The following CCDC171 variants were observed in gnomAD, a reference collection of about 807,000 sequenced individuals.
CCDC171 encodes coiled-coil domain containing 171.
A neutral mutation model predicts 168.2 loss-of-function variants in CCDC171; 177 were observed. The observed-to-expected ratio is 1.05, with a 90% CI of 0.93 to 1.19. The LOEUF (loss-of-function observed/expected upper bound fraction) is 1.19. Ranked by LOEUF, CCDC171 falls within the 50% of genes most tolerant of loss-of-function variation. The pLI is 0.00. For missense variants in CCDC171, 1,991 were observed against 1,539.0 expected, an observed-to-expected ratio of 1.29 and a Z score of -4.91; for synonymous variants, 687 against 540.8, an observed-to-expected ratio of 1.27 and a Z score of -3.75.
intron 23 of CCDC171, among the ~76,000 whole-genome samples, chr9:15,852,081 C>G (rs868690506): frequency 1.3e-5 from 2 of 151,904 alleles, no homozygotes; most frequent in South Asian, 4.1e-4. Flanking sequence ...TCTGTTTTCA[C>G]TTCTCTTGGG....
chr9:15,997,510 T>C (rs1198164690), intron 3 of CCDC171, among the ~76,000 whole-genome samples: 1 of 152,194 alleles, frequency 6.6e-6, no homozygotes, highest in Non-Finnish European at 1.5e-5. Context: ...CACTTCTCTA[T>C]ACAGTTTCAG....
chr9:15,772,207 A>G (rs189045650), intron 18 of CCDC171, among the ~76,000 whole-genome samples: 42 of 152,244 alleles, frequency 2.8e-4, no homozygotes, highest in Admixed American at 2.0e-3. Flanking sequence ...ACGTTAAATT[A>G]TTGTTTAAGT....
At chr9:15,810,755 G>A (rs1031910588) in intron 21 of CCDC171, among the ~76,000 whole-genome samples, 5 of 152,292 alleles carry the variant, frequency 3.3e-5, no homozygotes, top group South Asian at 4.1e-4. Context: ...TGAGTGCTGC[G>A]CGCAGCCCTG....
chr9:15,795,674 CTACCTG>C lies in CCDC171; in HGVS notation c.3267+10982_3267+10987del. ...TTAAGCCTCAGAGACTAGGAGAGAT[CTACCTG>C]TGTAAAGCTAGGCATCTGGAAGGGC... On this transcript the variant is annotated intron_variant, in intron 21 of 25. Coordinates refer to ENST00000380701, the MANE Select transcript of CCDC171 (RefSeq NM_173550.4). Among the ~76,000 whole-genome samples, 2 of 152,300 alleles carry C rather than the reference CTACCTG, an allele frequency of 1.3e-5. 1 individual carries two copies. The highest frequency in any genetic ancestry group is 6.8e-3 in the Middle Eastern group (2 of 294).
At position 15,971,594 on chromosome 9, in the gene CCDC171, T is replaced by A; in HGVS notation, c.3754-15T>A. 1 of 1,587,900 alleles carries A rather than the reference T, an allele frequency of 6.3e-7. No individual in the cohort carries two copies. Among genetic ancestry groups the A allele is most frequent in the Non-Finnish European group, 8.6e-7 (1 of 1,159,766 alleles). On this transcript the variant is annotated splice_polypyrimidine_tract_variant and intron_variant, in intron 25 of 25. Transcript: ENST00000380701. Reference sequence around the variant, plus strand: ...CAACTCTATGTTTATTATTTTTTTCTTTTGTATGTCACAGATAGGATCACG... The same window carrying A: ...CAACTCTATGTTTATTATTTTTTTCATTTGTATGTCACAGATAGGATCACG...
chr9:15,565,940 T>A (rs2039692067), intron 2 of CCDC171, among the ~76,000 whole-genome samples: 1 of 152,246 alleles, frequency 6.6e-6, no homozygotes, highest in Admixed American at 6.5e-5. Flanking sequence ...CAAATTGTGT[T>A]CTGAAGTGGC....
chr9:15,614,867 T>TA (rs1350714050), intron 6 of CCDC171, among the ~76,000 whole-genome samples: 1 of 152,112 alleles, frequency 6.6e-6, no homozygotes, highest in Admixed American at 6.6e-5. Context: ...CCATCTAACT[T>TA]AAGAAGTAGA....
At chr9:15,641,903 C>T (rs1301935800) in intron 7 of CCDC171, among the ~76,000 whole-genome samples, 1 of 152,166 alleles carries the variant, frequency 6.6e-6, no homozygotes, top group Admixed American at 6.5e-5. Context: ...GTGGCTCACG[C>T]CTGTAATCCC....
intron 11 of CCDC171, among the ~76,000 whole-genome samples, chr9:15,719,010 G>T (rs1295670182): frequency 2.0e-5 from 3 of 152,094 alleles, no homozygotes; most frequent in Admixed American, 1.3e-4. Flanking sequence ...ACCAACCCTG[G>T]AGATACAGAG....
intron 9 of CCDC171, among the ~76,000 whole-genome samples, chr9:15,669,757 G>A (rs1373522589): frequency 6.6e-6 from 1 of 151,898 alleles, no homozygotes; most frequent in Non-Finnish European, 1.5e-5. Context: ...ATGCTGAATG[G>A]ACTGCATCTA....
chr9:15,693,103 C>G (rs1206073309), intron 10 of CCDC171, among the ~76,000 whole-genome samples: 1 of 152,050 alleles, frequency 6.6e-6, no homozygotes, highest in Non-Finnish European at 1.5e-5. Context: ...TGCCACTGCA[C>G]TCCCGCCTGG....
chr9:15,981,082 C>T (rs1195806342), intron 3 of CCDC171, among the ~76,000 whole-genome samples: 2 of 152,030 alleles, frequency 1.3e-5, no homozygotes, highest in Non-Finnish European at 2.9e-5. Flanking sequence ...ACGAGAAAAG[C>T]CAGGAAAGAC....
At chr9:15,710,017 C>T (rs541191867) in intron 11 of CCDC171, among the ~76,000 whole-genome samples, 3 of 151,866 alleles carry the variant, frequency 2.0e-5, no homozygotes, top group Admixed American at 6.6e-5. Context: ...TATTATATAT[C>T]TGTATAATAC....
At chr9:15,720,172 A>G (rs1408535153) in intron 11 of CCDC171, among the ~76,000 whole-genome samples, 1 of 152,118 alleles carries the variant, frequency 6.6e-6, no homozygotes, top group Non-Finnish European at 1.5e-5. Flanking sequence ...TATTAATAAC[A>G]TTTTCTCCAA....
At chr9:16,004,580 C>T (rs1331022920) in intron 3 of CCDC171, among the ~76,000 whole-genome samples, 1 of 152,108 alleles carries the variant, frequency 6.6e-6, no homozygotes, top group Non-Finnish European at 1.5e-5. Context: ...ATTTTCATGG[C>T]CTGCACATCG....
chr9:15,714,751 GA>G (rs1328925888), intron 11 of CCDC171, among the ~76,000 whole-genome samples: 5 of 152,190 alleles, frequency 3.3e-5, no homozygotes, highest in African/African-American at 9.7e-5. Flanking sequence ...TCAAGTCTGA[GA>G]AGTATTTGAG....
At chr9:15,963,072 AT>A (rs989310723) in intron 25 of CCDC171, among the ~76,000 whole-genome samples, 7 of 152,104 alleles carry the variant, frequency 4.6e-5, no homozygotes, top group African/African-American at 1.7e-4. Flanking sequence ...CTCTGGTTTT[AT>A]TTTTAAAAAG....
At chr9:16,082,239 A>G in the CCDC171 span, among the ~76,000 whole-genome samples, 2,461 of 152,290 alleles carry the variant, frequency 0.016, 62 homozygotes, top group African/African-American at 0.056. Flanking sequence ...GTAATATGTC[A>G]CATCTCTGTT....
At chr9:15,623,864 A>G (rs774026132) in intron 7 of CCDC171, among the ~76,000 whole-genome samples, 2 of 152,204 alleles carry the variant, frequency 1.3e-5, no homozygotes, top group Non-Finnish European at 2.9e-5. Flanking sequence ...TTACTTGGGA[A>G]AGGAGCATCA....
Sources: gnomAD v4.1 joint callset for allele counts (sites outside exome capture counted in the v4.1 genomes callset) on GRCh38, gnomAD v4.1.1 for gene constraint, MANE v1.5 for transcripts, NCBI Gene and HGNC (gene_info 2026-07-23, HGNC 2026-07-21) for gene names.